Variants in SYT1 observed in about 807,000 individuals in gnomAD.
SYT1 encodes synaptotagmin-1.
Under a neutral mutation model 44.8 loss-of-function variants are expected in SYT1, and 8 were observed. The ratio of observed to expected loss-of-function variants is 0.18; its 90% CI spans 0.10 to 0.32. SYT1 has a LOEUF of 0.32. Ranked by LOEUF, SYT1 falls within the 10% of genes least tolerant of loss-of-function variation. The probability of loss-of-function intolerance (pLI) is 1.00; values close to 1 mark genes in which losing one functional copy is unlikely to be tolerated. For missense variants in SYT1, 286 were observed against 509.3 expected (o/e 0.56, Z 4.22); for synonymous variants, 154 against 188.8 (o/e 0.82, Z 1.51).
intron 4 of SYT1, among the ~76,000 whole-genome samples, chr12:79,238,845 T>C (rs1204564571): frequency 6.6e-6 from 1 of 152,318 alleles, no homozygotes; most frequent in Non-Finnish European, 1.5e-5. Context: ...TTGGATATAT[T>C]CATATGGCTA....
chr12:78,938,778 T>C (rs1320922808), intron 1 of SYT1, among the ~76,000 whole-genome samples: 1 of 152,186 alleles, frequency 6.6e-6, no homozygotes, highest in Non-Finnish European at 1.5e-5. Context: ...TATAACTCTG[T>C]ACAGTAACAC....
At chr12:78,891,528 T>C (rs1467682133) in intron 1 of SYT1, among the ~76,000 whole-genome samples, 2 of 151,890 alleles carry the variant, frequency 1.3e-5, no homozygotes, top group Non-Finnish European at 2.9e-5. Flanking sequence ...TGGAACAAAT[T>C]TGTCAAGATA....
chr12:79,053,459 T>C (rs1305453464), intron 3 of SYT1, among the ~76,000 whole-genome samples: 1 of 151,936 alleles, frequency 6.6e-6, no homozygotes, highest in Admixed American at 6.6e-5. Flanking sequence ...TATACATATG[T>C]AACAAACCTG....
chr12:79,057,566 TA>T (rs1233492698), intron 3 of SYT1, among the ~76,000 whole-genome samples: 9 of 152,120 alleles, frequency 5.9e-5, no homozygotes, highest in Admixed American at 1.3e-4. Flanking sequence ...GGAAGTAATA[TA>T]TTTTTTTTAG....
chr12:79,319,545 A>G (rs533446479), intron 8 of SYT1, among the ~76,000 whole-genome samples: 4 of 152,284 alleles, frequency 2.6e-5, no homozygotes, highest in African/African-American at 7.2e-5. Context: ...GGTCTGCAAT[A>G]CATACACTCC....
chr12:79,349,124 A>C (rs1882775040), intron 8 of SYT1, among the ~76,000 whole-genome samples: 1 of 148,450 alleles, frequency 6.7e-6, no homozygotes, highest in Non-Finnish European at 1.5e-5. Flanking sequence ...GAAGGGAGGA[A>C]GGTAGGAAGG....
chr12:79,027,554 T>G (rs1229907544), intron 2 of SYT1, among the ~76,000 whole-genome samples: 1 of 151,408 alleles, frequency 6.6e-6, no homozygotes, highest in Non-Finnish European at 1.5e-5. Context: ...ATATATAAAC[T>G]TGTCAAGCCC....
intron 3 of SYT1, among the ~76,000 whole-genome samples, chr12:79,125,363 C>G (rs1163838802): frequency 2.0e-5 from 3 of 150,262 alleles, no homozygotes; most frequent in Non-Finnish European, 4.4e-5. Flanking sequence ...ATAATCCCAG[C>G]AATTTGAGAG....
intron 1 of SYT1, among the ~76,000 whole-genome samples, chr12:78,890,089 A>G (rs999297382): frequency 2.6e-5 from 4 of 151,966 alleles, no homozygotes; most frequent in African/African-American, 9.7e-5. Flanking sequence ...ATCCATTTGA[A>G]TATTCCACTG....
chr12:79,071,580 TC>T (rs1382080982), intron 3 of SYT1, among the ~76,000 whole-genome samples: 1 of 152,170 alleles, frequency 6.6e-6, no homozygotes, highest in African/African-American at 2.4e-5. Context: ...ATTTATTCTC[TC>T]ACAGTTCTGA....
At chr12:79,228,993 T>C (rs2138608850) in intron 4 of SYT1, among the ~76,000 whole-genome samples, 1 of 152,364 alleles carries the variant, frequency 6.6e-6, no homozygotes, top group Middle Eastern at 3.4e-3. Context: ...TTCAAATCTC[T>C]CACTGTTTTG....
intron 2 of SYT1, among the ~76,000 whole-genome samples, chr12:79,033,550 T>G (rs1177711786): frequency 1.3e-5 from 2 of 151,382 alleles, no homozygotes; most frequent in Non-Finnish European, 1.5e-5. Context: ...ATGGTGAGCT[T>G]CTTTCTTGCA....
chr12:79,150,784 T>C (rs1870222646), intron 3 of SYT1, among the ~76,000 whole-genome samples: 1 of 152,192 alleles, frequency 6.6e-6, no homozygotes. Flanking sequence ...TATTGTATTT[T>C]GTTGTTGCCC....
At chr12:79,410,901 G>T (rs1868393005) in intron 9 of SYT1, among the ~76,000 whole-genome samples, 1 of 151,736 alleles carries the variant, frequency 6.6e-6, no homozygotes, top group Non-Finnish European at 1.5e-5. Context: ...TGAAAGTGTG[G>T]TTTTCATAAT....
chr12:79,173,520 T>A (rs1871678301), intron 3 of SYT1, among the ~76,000 whole-genome samples: 1 of 152,034 alleles, frequency 6.6e-6, no homozygotes, highest in Non-Finnish European at 1.5e-5. Context: ...TCGGTTGGAA[T>A]ATGAAGAGTA....
intron 4 of SYT1, among the ~76,000 whole-genome samples, chr12:79,273,983 CT>C (rs1357330974): frequency 6.6e-6 from 1 of 152,168 alleles, no homozygotes; most frequent in Non-Finnish European, 1.5e-5. Flanking sequence ...ACTCGGGAGG[CT>C]GAGGCAGGAG....
At chr12:79,149,960 T>C (rs985461051) in intron 3 of SYT1, among the ~76,000 whole-genome samples, 1 of 152,212 alleles carries the variant, frequency 6.6e-6, no homozygotes, top group Non-Finnish European at 1.5e-5. Flanking sequence ...GGTGAATGAA[T>C]GAAAGGTCTG....
intron 3 of SYT1, among the ~76,000 whole-genome samples, chr12:79,149,021 G>A (rs1014955941): frequency 1.3e-5 from 2 of 152,034 alleles, no homozygotes; most frequent in African/African-American, 4.8e-5. Context: ...TTAAAAAGGA[G>A]AATTACTGGC....
rs556730160 is a variant in SYT1 at position 79,273,774 on chromosome 12, G to A, written c.167-12013G>A. ...AGTTGGCAAGTTAAACTCAGCCAGC[G>A]CTTAGAGGTTGCCAGAAACTCCCAA... On this transcript the variant is annotated intron_variant, in intron 4 of 10. Transcript: ENST00000261205. 3.3e-5 allele frequency among the ~76,000 whole-genome samples: 5 copies of A among 152,322 alleles called. No homozygotes were observed. In the East Asian group the frequency reaches 5.8e-4, roughly 18 times the overall value.
Sources: gnomAD v4.1 joint callset for allele counts (sites outside exome capture counted in the v4.1 genomes callset) on GRCh38, gnomAD v4.1.1 for gene constraint, MANE v1.5 for transcripts, NCBI Gene and HGNC (gene_info 2026-07-23, HGNC 2026-07-21) for gene names.